TAGAP: variants seen among roughly 807,000 people sequenced by gnomAD.
TAGAP encodes T-cell activation Rho GTPase-activating protein.
TAGAP carries 16 observed loss-of-function variants against 36.0 expected under a neutral mutation model. That is an observed-to-expected ratio of 0.44 (90% CI 0.30 to 0.68). The LOEUF (loss-of-function observed/expected upper bound fraction) is 0.68. TAGAP is among the 30% of genes least tolerant of loss of function. The pLI, the probability that TAGAP is intolerant of heterozygous loss-of-function variation, is 0.09. For missense variants in TAGAP, 794 were observed against 921.5 expected (o/e 0.86, Z 1.79); for synonymous variants, 372 against 377.4 (o/e 0.99, Z 0.17).
chr6:159,041,796 A>G lies in TAGAP; in HGVS notation c.316-281T>C. On this transcript the variant is annotated intron_variant, in intron 5 of 9. Coordinates refer to ENST00000367066, the MANE Select transcript of TAGAP (RefSeq NM_054114.5). The surrounding 1 kb of genome is among the most constrained non-coding windows in gnomAD (Gnocchi z 4.1). ...TTCTGTTTCCCCCTTTTGACTTTTCAGAAGCTACAAATCTTCAGCATTCTC... is the reference window on the plus strand; with the variant it reads ...TTCTGTTTCCCCCTTTTGACTTTTCGGAAGCTACAAATCTTCAGCATTCTC... 1 of 536,914 alleles carries G rather than the reference A, an allele frequency of 1.9e-6. No individual in the cohort carries two copies. The highest frequency in any genetic ancestry group is 3.2e-6 in the Non-Finnish European group (1 of 308,222). 33.3% of individuals were successfully genotyped at this position (536,914 alleles called of 1,614,324 possible).
At position 159,037,184 on chromosome 6, in the gene TAGAP, A is replaced by G; in HGVS notation, c.899-60T>C. On this transcript the variant is annotated intron_variant, in intron 9 of 9. Transcript: ENST00000367066. The surrounding 1 kb of genome is among the most constrained non-coding windows in gnomAD (Gnocchi z 5.1). The stretch of plus-strand genomic sequence containing the variant: ...TGGGTTTATTTATTTATTTATTTTT[A>G]TTTGTATTTTTTATTTTCATTTTTT... 1 of 1,368,942 alleles carries G rather than the reference A, an allele frequency of 7.3e-7. No homozygotes were observed. Among genetic ancestry groups the G allele is most frequent in the East Asian group, 2.8e-5 (1 of 36,098 alleles). The allele number at this position is 1,368,942 out of a possible 1,614,324, so 84.8% of individuals were successfully genotyped here. A position where few individuals can be genotyped will look rare whatever the true frequency, so the allele number is the denominator to read the frequency against.
In TAGAP at chr6:159,041,634, C is replaced by T. The variant is rs1220084787; in HGVS notation, c.316-119G>A. ...TTTCAGTCCAGTTGCTGTCAATGGC[C>T]TTCCTCAACCCTGCTATTTTTCTAA... On this transcript the variant is annotated intron_variant, in intron 5 of 9. Coordinates refer to ENST00000367066, the MANE Select transcript of TAGAP (RefSeq NM_054114.5). This position sits in a 1 kb window ranked among gnomAD's most constrained non-coding sequence, Gnocchi z 4.1. 1 of 1,150,122 alleles carries T rather than the reference C, an allele frequency of 8.7e-7. No homozygotes were observed. Among genetic ancestry groups the T allele is most frequent in the East Asian group, 2.7e-5 (1 of 37,474 alleles). 71.2% of individuals were successfully genotyped at this position (1,150,122 alleles called of 1,614,324 possible).
At position 159,035,561 on chromosome 6, in the gene TAGAP, C is replaced by T. The variant is rs886142921; in HGVS notation, c.*266G>A. On this transcript the variant is annotated 3_prime_UTR_variant, in exon 10 of 10. Transcript: ENST00000367066. ...AGTGTACTTCACTGCAAGTTCAAAA[C>T]GTGTGCAGGGATTATTAGACATCCT... 2 of 319,370 alleles carry T rather than the reference C, an allele frequency of 6.3e-6. No individual in the cohort carries two copies. Among genetic ancestry groups the T allele is most frequent in the Admixed American group, 4.5e-5 (1 of 22,470 alleles). The allele number at this position is 319,370 out of a possible 1,614,324, so 19.8% of individuals were successfully genotyped here. A position where few individuals can be genotyped will look rare whatever the true frequency, so the allele number is the denominator to read the frequency against.
Position 159,041,154 on chromosome 6 carries a change from G to T in TAGAP, c.477+200C>A. On this transcript the variant is annotated intron_variant, in intron 6 of 9. Coordinates refer to ENST00000367066, the MANE Select transcript of TAGAP (RefSeq NM_054114.5). The surrounding 1 kb of genome is among the most constrained non-coding windows in gnomAD (Gnocchi z 4.1). Reference sequence around the variant, plus strand: ...TGGCAAAGTTTTGGGAGAGCAGAATGCATCACTTTCTGTTGGAATCTGAGG... The same window carrying T: ...TGGCAAAGTTTTGGGAGAGCAGAATTCATCACTTTCTGTTGGAATCTGAGG... The T allele has an allele frequency of 1.4e-6, 1 of 692,614 alleles. No individual in the cohort carries two copies. Among genetic ancestry groups the T allele is most frequent in the Non-Finnish European group, 2.4e-6 (1 of 423,870 alleles). The allele number at this position is 692,614 out of a possible 1,614,324, so 42.9% of individuals were successfully genotyped here.
intron 8 of TAGAP, chr6:159,038,825 G>C (rs947108023): frequency 9.5e-7 from 1 of 1,047,644 alleles, no homozygotes; most frequent in Non-Finnish European, 1.3e-6. Flanking sequence ...CTGATAGACT[G>C]TGGTGTACAA....
At position 159,036,519 on chromosome 6, in the gene TAGAP, G is replaced by C. The variant is rs1238319637; in HGVS notation, c.1504C>G (p.Arg502Gly). The change falls in exon 10 of 10, where the codon CGA becomes GGA. Residue 502 changes from arginine to glycine, a missense_variant. Arg to Gly is a moderately radical substitution (Grantham distance 125, BLOSUM62 -2). Coordinates refer to ENST00000367066, the MANE Select transcript of TAGAP (RefSeq NM_054114.5). The surrounding 1 kb of genome is among the most constrained non-coding windows in gnomAD (Gnocchi z 4.9). ...TTKTEKGKPS[R>G]EIKKHSMSFT... Reference sequence around the variant, plus strand: ...GACATGGAGTGCTTTTTAATTTCTCGGCTGGGCTTGCCTTTCTCTGTCTTT... The same window carrying C: ...GACATGGAGTGCTTTTTAATTTCTCCGCTGGGCTTGCCTTTCTCTGTCTTT... The C allele has an allele frequency of 6.2e-7, 1 of 1,614,082 alleles. No individual in the cohort carries two copies. The highest frequency in any genetic ancestry group is 1.1e-5 in the South Asian group (1 of 91,074).
At chr6:159,042,656 G>C (rs1779797257) in intron 4 of TAGAP, 1 of 160,268 alleles carries the variant, frequency 6.2e-6, no homozygotes, top group Non-Finnish European at 1.4e-5. Flanking sequence ...TTTAACTGGC[G>C]AAGAAAACGA....
At chr6:159,044,676 A>C (rs1338594546) in intron 1 of TAGAP, among the ~76,000 whole-genome samples, 5 of 152,158 alleles carry the variant, frequency 3.3e-5, no homozygotes. Flanking sequence ...TAAAATAGTA[A>C]ACATGAAACA....
In TAGAP at chr6:159,035,836, C is replaced by G. The variant is rs372281481; in HGVS notation, c.2187G>C (p.Ser729=). Residue 729 remains serine (S), a synonymous_variant, in exon 10 of 10, where the codon TCG becomes TCC. Transcript: ENST00000367066. ...GCGTATGGCCTCCCTCCTAAATATACGATTCTTTGGCATATTGGAATTGGT... is the reference window on the plus strand; with the variant it reads ...GCGTATGGCCTCCCTCCTAAATATAGGATTCTTTGGCATATTGGAATTGGT... The part of the protein sequence containing the change: ...EADQFQYAKE[S]YI 74 of 1,596,428 alleles carry G rather than the reference C, an allele frequency of 4.6e-5. No individual in the cohort carries two copies. Among genetic ancestry groups the G allele is most frequent in the Admixed American group, 3.5e-4 (21 of 59,568 alleles).
Position 159,041,902 on chromosome 6 carries a change from G to GGC in TAGAP, c.315+175_315+176insGC. On this transcript the variant is annotated intron_variant, in intron 5 of 9. Transcript: ENST00000367066. The surrounding 1 kb of genome is among the most constrained non-coding windows in gnomAD (Gnocchi z 4.1). ...ACAACTAATTTCAATTTCTGGAATG[G>GGC]AAGCAGTCAGATATTCTTCTGACTG... 1 of 711,372 alleles carries GGC rather than the reference G, an allele frequency of 1.4e-6. No individual in the cohort carries two copies. The highest frequency in any genetic ancestry group is 2.3e-6 in the Non-Finnish European group (1 of 427,620). The allele number at this position is 711,372 out of a possible 1,614,324, so 44.1% of individuals were successfully genotyped here.
chr6:159,039,682 CACG>C (rs1465705032), intron 7 of TAGAP, among the ~76,000 whole-genome samples: 1 of 152,184 alleles, frequency 6.6e-6, no homozygotes, highest in Non-Finnish European at 1.5e-5. Context: ...CTGTTTCTAA[CACG>C]ACTAGACTGG....
Position 159,041,856 on chromosome 6 carries a change from G to C in TAGAP, c.315+222C>G, listed in dbSNP as rs978331017. Reference sequence around the variant, plus strand: ...AAGTCAGAGGAATGGCGGGACCATAGCTCTGAGCTCATTGGCAAATACAAC... The same window carrying C: ...AAGTCAGAGGAATGGCGGGACCATACCTCTGAGCTCATTGGCAAATACAAC... On this transcript the variant is annotated intron_variant, in intron 5 of 9. Coordinates refer to ENST00000367066, the MANE Select transcript of TAGAP (RefSeq NM_054114.5). The surrounding 1 kb of genome is among the most constrained non-coding windows in gnomAD (Gnocchi z 4.1). 5.0e-6 allele frequency: 3 copies of C among 595,824 alleles called. No homozygotes were observed. In the African/African-American group the frequency reaches 5.6e-5, roughly 11 times the overall value. 36.9% of individuals were successfully genotyped at this position (595,824 alleles called of 1,614,324 possible).
intron 3 of TAGAP, 123 bp from the exon 4 acceptor site, chr6:159,043,778 T>C (rs1445111390): frequency 3.0e-5 from 33 of 1,103,434 alleles, no homozygotes; most frequent in Non-Finnish European, 4.2e-5. Context: ...TGCATTGATG[T>C]TTTTTCTAGC....
chr6:159,037,085 T>C lies in TAGAP; in HGVS notation c.938A>G (p.Asn313Ser). 1 of 1,612,312 alleles carries C rather than the reference T, an allele frequency of 6.2e-7. No individual in the cohort carries two copies. ...TLQNDSAYDS[N>S]DPDVESNSSS... ...GCTGTTGGATTCCACATCAGGGTCG[T>C]TGCTGTCGTAGGCTGAGTCATTCTG... The change falls in exon 10 of 10, where the codon AAC becomes AGC. Residue 313 changes from asparagine to serine, a missense_variant. Asn to Ser is a conservative substitution (Grantham distance 46). Coordinates refer to ENST00000367066, the MANE Select transcript of TAGAP (RefSeq NM_054114.5). This position sits in a 1 kb window ranked among gnomAD's most constrained non-coding sequence, Gnocchi z 5.1.
At position 159,037,607 on chromosome 6, in the gene TAGAP, A is replaced by C. The variant is rs1779593717; in HGVS notation, c.899-483T>G. Among the ~76,000 whole-genome samples the C allele has an allele frequency of 1.3e-5, 2 of 152,214 alleles. No homozygotes were observed. The highest frequency in any genetic ancestry group is 4.1e-4 in the South Asian group (2 of 4,834). Reference sequence around the variant, plus strand: ...CTTGATATGACAAGAAATGTACCACATGAAAAGTTTATTTCTTTCTGAATT... The same window carrying C: ...CTTGATATGACAAGAAATGTACCACCTGAAAAGTTTATTTCTTTCTGAATT... On this transcript the variant is annotated intron_variant, in intron 9 of 9. Transcript: ENST00000367066. The surrounding 1 kb of genome is among the most constrained non-coding windows in gnomAD (Gnocchi z 5.1).
At chr6:159,042,926 T>C (rs983127777) in intron 4 of TAGAP, 2 of 152,642 alleles carry the variant, frequency 1.3e-5, no homozygotes, top group African/African-American at 4.8e-5. Flanking sequence ...AGATATTCTG[T>C]CCTTCTGAAA....
At position 159,035,667 on chromosome 6, in the gene TAGAP, TGC is replaced by T; in HGVS notation, c.*158_*159del. 1 of 634,744 alleles carries T rather than the reference TGC, an allele frequency of 1.6e-6. No homozygotes were observed. The highest frequency in any genetic ancestry group is 2.7e-6 in the Non-Finnish European group (1 of 375,960). The allele number at this position is 634,744 out of a possible 1,614,324, so 39.3% of individuals were successfully genotyped here. ...ATCCAGGTACACAGAGACTATCTGA[TGC>T]GCCATGGCCATGGTGTAGCTATCCT... On this transcript the variant is annotated 3_prime_UTR_variant, in exon 10 of 10. Coordinates refer to ENST00000367066, the MANE Select transcript of TAGAP (RefSeq NM_054114.5).
At chr6:159,043,899 C>T in intron 3 of TAGAP, 79 bp downstream of exon 3, 1 of 1,323,666 alleles carries the variant, frequency 7.6e-7, no homozygotes, top group East Asian at 2.3e-5. Flanking sequence ...TACTATTCAA[C>T]CCAAATAATA....
chr6:159,036,061 T>G lies in TAGAP; in HGVS notation c.1962A>C (p.Pro654=), dbSNP rs762062599. 5.2e-5 allele frequency: 84 copies of G among 1,611,974 alleles called. No individual in the cohort carries two copies. The highest frequency in any genetic ancestry group is 7.0e-5 in the Non-Finnish European group (82 of 1,178,654). Reference sequence around the variant, plus strand: ...GGGGAGAGAGTCCGTGGCCAGGGAGTGGCTCTTTGCTGCCCCTGTGTCTTG... The same window carrying G: ...GGGGAGAGAGTCCGTGGCCAGGGAGGGGCTCTTTGCTGCCCCTGTGTCTTG... The part of the protein sequence containing the change: ...EDSRHRGSKE[P]LPGHGLSPLP... Residue 654 remains proline (P), a synonymous_variant, in exon 10 of 10, where the codon CCA becomes CCC. Coordinates refer to ENST00000367066, the MANE Select transcript of TAGAP (RefSeq NM_054114.5). This position sits in a 1 kb window ranked among gnomAD's most constrained non-coding sequence, Gnocchi z 4.9.
Sources: allele counts gnomAD v4.1 joint callset (sites outside exome capture counted in the v4.1 genomes callset), GRCh38; gene constraint gnomAD v4.1.1; non-coding constraint Gnocchi (gnomAD v3.1); transcripts MANE v1.5; gene names NCBI Gene and HGNC (gene_info 2026-07-23, HGNC 2026-07-21).